Variants in CDH13 observed in about 807,000 individuals in gnomAD.
The protein encoded by CDH13 is cadherin-13.
A neutral mutation model predicts 63.8 loss-of-function variants in CDH13; 24 were observed. The ratio of observed to expected loss-of-function variants is 0.38; its 90% CI spans 0.27 to 0.53. The LOEUF (loss-of-function observed/expected upper bound fraction) is 0.53. Among genes scored for constraint, CDH13 ranks in the 20% least tolerant of loss-of-function variants. CDH13 has a pLI of 0.85. For missense variants in CDH13, 1,049 were observed against 903.1 expected, an observed-to-expected ratio of 1.16 and a Z score of -2.07; for synonymous variants, 503 against 355.3, an observed-to-expected ratio of 1.42 and a Z score of -4.67.
Position 82,925,571 on chromosome 16 carries a change from T to C in CDH13, c.157+67098T>C, listed in dbSNP as rs144582859. On this transcript the variant is annotated intron_variant, in intron 2 of 13. Coordinates refer to ENST00000567109, the MANE Select transcript of CDH13 (RefSeq NM_001257.5). ...AAGTGAGTATTCGTGTCCCCAGCCA[T>C]TGTGGCAGATGAAGATCAGGGGAAG... Among the ~76,000 whole-genome samples, 9 of 152,298 alleles carry C rather than the reference T, an allele frequency of 5.9e-5. No homozygotes were observed. The East Asian group carries it at 1.4e-3, about 23-fold the overall frequency.
intron 7 of CDH13, among the ~76,000 whole-genome samples, chr16:83,544,844 G>T (rs2075356699): frequency 6.6e-6 from 1 of 152,148 alleles, no homozygotes; most frequent in Admixed American, 6.5e-5. Context: ...AGGATTAAAA[G>T]ATACAAAATA....
intron 6 of CDH13, among the ~76,000 whole-genome samples, chr16:83,347,043 A>G (rs1295858311): frequency 6.6e-6 from 1 of 152,200 alleles, no homozygotes; most frequent in Non-Finnish European, 1.5e-5. Context: ...TGGGATCCAG[A>G]ATGTGGAAAT....
chr16:83,501,553 A>G (rs1167653662), intron 7 of CDH13, among the ~76,000 whole-genome samples: 4 of 152,238 alleles, frequency 2.6e-5, no homozygotes, highest in African/African-American at 9.6e-5. Context: ...CATGTAAACA[A>G]TTACGGCGTT....
intron 8 of CDH13, among the ~76,000 whole-genome samples, chr16:83,625,247 T>G (rs1244156830): frequency 6.6e-6 from 1 of 152,064 alleles, no homozygotes; most frequent in African/African-American, 2.4e-5. Flanking sequence ...TGTGTGTAAT[T>G]TAAGCCAAAA....
At chr16:83,324,298 G>A (rs771719966) in intron 5 of CDH13, among the ~76,000 whole-genome samples, 2 of 152,196 alleles carry the variant, frequency 1.3e-5, no homozygotes, top group Non-Finnish European at 2.9e-5. Context: ...GCCTTGCAAA[G>A]TGCTGGGATT....
intron 5 of CDH13, among the ~76,000 whole-genome samples, chr16:83,343,960 A>T (rs2090781982): frequency 6.6e-6 from 1 of 152,108 alleles, no homozygotes; most frequent in African/African-American, 2.4e-5. Context: ...GTTTTTGTTA[A>T]CCCCACTTAC....
intron 6 of CDH13, chr16:83,397,415 T>C (rs1370513449): frequency 6.6e-6 from 1 of 152,154 alleles, no homozygotes; most frequent in Non-Finnish European, 1.5e-5. Flanking sequence ...TACTAGAAAG[T>C]GTGCATTTAC....
At chr16:82,792,735 G>C (rs1476752638) in intron 1 of CDH13, among the ~76,000 whole-genome samples, 1 of 152,158 alleles carries the variant, frequency 6.6e-6, no homozygotes, top group African/African-American at 2.4e-5. Context: ...CTCTTATCTT[G>C]TCACACTCCA....
intron 5 of CDH13, among the ~76,000 whole-genome samples, chr16:83,256,883 C>G (rs1011348402): frequency 2.7e-5 from 4 of 150,922 alleles, no homozygotes; most frequent in Non-Finnish European, 1.5e-5. Context: ...TCCCAGGCCC[C>G]TGTTAGACTT....
intron 2 of CDH13, among the ~76,000 whole-genome samples, chr16:82,900,038 C>G (rs928303077): frequency 7.9e-5 from 12 of 151,890 alleles, no homozygotes; most frequent in African/African-American, 2.7e-4. Context: ...CTTGATTGCT[C>G]TCTCTCTCTC....
intron 1 of CDH13, among the ~76,000 whole-genome samples, chr16:82,723,313 TG>T (rs1156400892): frequency 2.0e-5 from 3 of 152,238 alleles, no homozygotes; most frequent in Non-Finnish European, 4.4e-5. Flanking sequence ...TGTGGGCTTT[TG>T]CTTTTCAGTT....
intron 3 of CDH13, among the ~76,000 whole-genome samples, chr16:83,104,204 T>C (rs576209638): frequency 6.6e-6 from 1 of 152,188 alleles, no homozygotes; most frequent in Non-Finnish European, 1.5e-5. Context: ...ACCTCAGATG[T>C]GGGAGAATAT....
intron 6 of CDH13, among the ~76,000 whole-genome samples, chr16:83,415,282 T>C (rs1000037746): frequency 1.3e-5 from 2 of 152,074 alleles, no homozygotes; most frequent in African/African-American, 4.8e-5. Context: ...ATTGAATCGG[T>C]AACCACAAAT....
intron 4 of CDH13, among the ~76,000 whole-genome samples, chr16:83,179,066 TG>T (rs1408726688): frequency 6.6e-6 from 1 of 152,196 alleles, no homozygotes; most frequent in East Asian, 1.9e-4. Flanking sequence ...GCCACCCTAT[TG>T]GCAATTATGG....
rs1598379734 is a variant in CDH13 at position 83,620,283 on chromosome 16, T to C, written c.1101+17689T>C. ...GCATGTGCATGTAGCCCCAGCTACT[T>C]GGGAGGCTGAGGCAGGAGAATTGTT... On this transcript the variant is annotated intron_variant, in intron 8 of 13. Transcript: ENST00000567109. Among the ~76,000 whole-genome samples, 4 of 149,226 alleles carry C rather than the reference T, an allele frequency of 2.7e-5. No individual in the cohort carries two copies. In the Admixed American group the frequency reaches 2.7e-4, roughly 10 times the overall value.
chr16:82,793,104 C>A (rs2036401703), intron 1 of CDH13, among the ~76,000 whole-genome samples: 1 of 152,218 alleles, frequency 6.6e-6, no homozygotes, highest in Admixed American at 6.5e-5. Flanking sequence ...TAAGGCATTT[C>A]AGGGGCGACT....
intron 5 of CDH13, among the ~76,000 whole-genome samples, chr16:83,253,607 G>C (rs543354091): frequency 1.3e-5 from 2 of 152,316 alleles, no homozygotes; most frequent in East Asian, 3.9e-4. Flanking sequence ...TGCTTTGCAA[G>C]CCTGGTTGCC....
chr16:82,656,020 A>T (rs1203749032), intron 1 of CDH13, among the ~76,000 whole-genome samples: 1 of 152,152 alleles, frequency 6.6e-6, no homozygotes, highest in Non-Finnish European at 1.5e-5. Context: ...TTCAGCTGAG[A>T]GTTACCGTGC....
intron 13 of CDH13, among the ~76,000 whole-genome samples, chr16:83,794,145 G>A: frequency 6.6e-6 from 1 of 152,148 alleles, no homozygotes; most frequent in Middle Eastern, 3.2e-3. Context: ...ACTGATTTGA[G>A]CCCCATAAGA....
Sources: allele counts gnomAD v4.1 joint callset (sites outside exome capture counted in the v4.1 genomes callset), GRCh38; gene constraint gnomAD v4.1.1; transcripts MANE v1.5; gene names NCBI Gene and HGNC (gene_info 2026-07-23, HGNC 2026-07-21).